Variants in BIN2 observed in about 807,000 individuals in gnomAD.
BIN2 encodes breast cancer associated protein BRAP1.
In BIN2, 43 loss-of-function variants were observed where a neutral mutation model predicts 67.9. That is an observed-to-expected ratio of 0.63 (90% CI 0.50 to 0.82). The LOEUF (loss-of-function observed/expected upper bound fraction) is 0.82. Among genes scored for constraint, BIN2 ranks in the 40% least tolerant of loss-of-function variants. BIN2 has a pLI of 0.00. For synonymous variants in BIN2, 244 were observed against 246.8 expected, an observed-to-expected ratio of 0.99 and a Z score of 0.11; for missense variants, 581 against 671.6, an observed-to-expected ratio of 0.87 and a Z score of 1.49.
chr12:51,296,472 A>C (rs1395282118), intron 8 of BIN2, among the ~76,000 whole-genome samples: 1 of 151,332 alleles, frequency 6.6e-6, no homozygotes, highest in Non-Finnish European at 1.5e-5. Context: ...ACTCCAGCCT[A>C]GGTGCCAGAG....
Position 51,291,600 on chromosome 12 carries a change from C to A in BIN2, c.1506G>T (p.Met502Ile). The change falls in exon 10 of 13, where the codon ATG (methionine) becomes ATT (isoleucine). Residue 502 changes from methionine to isoleucine, a missense_variant. Physicochemically the swap from Met to Ile is conservative, Grantham distance 10 (BLOSUM62 1). Coordinates refer to ENST00000615107, the MANE Select transcript of BIN2 (RefSeq NM_016293.4). ...CCAGAACTACTCTTACCTGAGATGT[C>A]ATTAAGGTGGGGGAAGTACAAAGTT... ...PEELCTSPTL[M>I]TSQVASEPGE... 6.2e-7 allele frequency: 1 copy of A among 1,600,608 alleles called. No individual in the cohort carries two copies. The highest frequency in any genetic ancestry group is 1.1e-5 in the South Asian group (1 of 89,872).
At chr12:51,321,104 A>C (rs556842698) in intron 1 of BIN2, among the ~76,000 whole-genome samples, 2 of 151,176 alleles carry the variant, frequency 1.3e-5, no homozygotes, top group Non-Finnish European at 2.9e-5. Context: ...ATGCCTGAAC[A>C]AAAAGTGTTT....
chr12:51,284,711 C>A lies in BIN2; in HGVS notation c.1668+5G>T. On this transcript the variant is annotated splice_donor_5th_base_variant and intron_variant, in intron 12 of 12. Transcript: ENST00000615107. ...CCAATCTATTCTCTGTATATCTGGT[C>A]TTACCTCTTCTTGAGGTTCAGGTGC... 1 of 1,600,728 alleles carries A rather than the reference C, an allele frequency of 6.2e-7. No homozygotes were observed. The highest frequency in any genetic ancestry group is 1.1e-5 in the South Asian group (1 of 90,748).
chr12:51,297,417 A>C, intron 7 of BIN2: 1 of 299,004 alleles, frequency 3.3e-6, no homozygotes, highest in Non-Finnish European at 6.3e-6. Context: ...AAAAAAAAAA[A>C]TTAGCCGGGC....
At chr12:51,302,136 C>CT in intron 4 of BIN2, 21 bp from the exon 5 acceptor site, 2 of 1,557,500 alleles carry the variant, frequency 1.3e-6, no homozygotes, top group Non-Finnish European at 1.8e-6. Context: ...GAGTCAGAGG[C>CT]TGGTGAAGGC....
chr12:51,302,012 T>G lies in BIN2; in HGVS notation c.408+8A>C. 6.2e-7 allele frequency: 1 copy of G among 1,600,322 alleles called. No homozygotes were observed. The highest frequency in any genetic ancestry group is 8.6e-7 in the Non-Finnish European group (1 of 1,167,586). ...CACAACCCAGCCTTGATTCTGTACA[T>G]TGAGTACCTTAATTTCACTGAACTG... On this transcript the variant is annotated splice_region_variant and intron_variant, in intron 5 of 12. Coordinates refer to ENST00000615107, the MANE Select transcript of BIN2 (RefSeq NM_016293.4).
chr12:51,282,609 TTTTTG>T (rs1311585518), intron 12 of BIN2, among the ~76,000 whole-genome samples: 2 of 152,302 alleles, frequency 1.3e-5, no homozygotes, highest in Non-Finnish European at 2.9e-5. Flanking sequence ...ATATATATTA[TTTTTG>T]AGACACAGTC....
At chr12:51,324,572 G>A (rs1219857724), upstream of BIN2, 2 of 1,500,460 alleles carry the variant, frequency 1.3e-6, no homozygotes, top group South Asian at 1.3e-5. Flanking sequence ...TGTACACTGC[G>A]TTTCTTGCTC....
upstream of BIN2, chr12:51,324,400 G>C: frequency 7.4e-7 from 1 of 1,355,718 alleles, no homozygotes; most frequent in Non-Finnish European, 9.7e-7. Flanking sequence ...CCTCAGTGGT[G>C]GGCCCACACT....
At chr12:51,298,685 T>C (rs1041986955) in intron 7 of BIN2, among the ~76,000 whole-genome samples, 1 of 152,122 alleles carries the variant, frequency 6.6e-6, no homozygotes, top group African/African-American at 2.4e-5. Context: ...CAATATAAAA[T>C]ATTCTGACCA....
chr12:51,284,138 C>T (rs1315784802), intron 12 of BIN2, among the ~76,000 whole-genome samples: 1 of 152,194 alleles, frequency 6.6e-6, no homozygotes, highest in Non-Finnish European at 1.5e-5. Context: ...GAAGCTTCCA[C>T]TCCTGCAAGC....
intron 5 of BIN2, among the ~76,000 whole-genome samples, chr12:51,301,623 T>G (rs974769163): frequency 3.3e-5 from 5 of 152,200 alleles, no homozygotes; most frequent in Admixed American, 6.5e-5. Context: ...ATCCTTCACC[T>G]CAGTCTCCTA....
chr12:51,288,553 G>C (rs552490674), intron 10 of BIN2, among the ~76,000 whole-genome samples: 2 of 151,190 alleles, frequency 1.3e-5, no homozygotes, highest in Non-Finnish European at 1.5e-5. Context: ...TCTGTCTTCC[G>C]CACTAAAATA....
intron 2 of BIN2, among the ~76,000 whole-genome samples, chr12:51,313,512 T>G (rs982985363): frequency 1.3e-5 from 2 of 151,854 alleles, no homozygotes; most frequent in African/African-American, 2.4e-5. Flanking sequence ...CTAATTTTTT[T>G]GTATTTTTAG....
At chr12:51,317,539 C>A (rs1946164981) in intron 1 of BIN2, among the ~76,000 whole-genome samples, 3 of 151,884 alleles carry the variant, frequency 2.0e-5, no homozygotes. Flanking sequence ...TGTGGTGGTG[C>A]ACGCCTGCAA....
In BIN2 at chr12:51,292,033, T is replaced by G; in HGVS notation, c.1073A>C (p.Gln358Pro). ...TGTGGAGCTGGGGAGAACTTCCTCC[T>G]GGGACTTGGCCCTTTCAGTGGTAGG... ...PSPTTERAKSQEEVLPSSTTP... is the reference protein window; with the variant it reads ...PSPTTERAKSPEEVLPSSTTP... The change falls in exon 10 of 13, where the codon CAG becomes CCG. Residue 358 changes from glutamine to proline, a missense_variant. Physicochemically the swap from Gln to Pro is moderately conservative, Grantham distance 76. Transcript: ENST00000615107. The G allele has an allele frequency of 6.2e-7, 1 of 1,614,172 alleles. No homozygotes were observed. The highest frequency in any genetic ancestry group is 8.5e-7 in the Non-Finnish European group (1 of 1,180,012).
intron 2 of BIN2, among the ~76,000 whole-genome samples, chr12:51,304,600 C>T (rs990522309): frequency 2.0e-5 from 3 of 152,220 alleles, no homozygotes; most frequent in Non-Finnish European, 4.4e-5. Context: ...CAGACCAGTT[C>T]AGGGGATGTT....
intron 1 of BIN2, among the ~76,000 whole-genome samples, chr12:51,317,774 G>A (rs962513815): frequency 2.0e-4 from 31 of 152,088 alleles, no homozygotes; most frequent in Admixed American, 3.9e-4. Flanking sequence ...GGATCACGAG[G>A]TCAGGAGATC....
At chr12:51,316,249 G>A (rs555813045) in intron 1 of BIN2, among the ~76,000 whole-genome samples, 34 of 151,842 alleles carry the variant, frequency 2.2e-4, no homozygotes, top group African/African-American at 7.5e-4. Context: ...TTGGGAGGCC[G>A]AGGCAGGCGG....
Sources: allele counts gnomAD v4.1 joint callset (sites outside exome capture counted in the v4.1 genomes callset), GRCh38; gene constraint gnomAD v4.1.1; transcripts MANE v1.5; gene names NCBI Gene and HGNC (gene_info 2026-07-23, HGNC 2026-07-21).